DPP6: variants seen among roughly 807,000 people sequenced by gnomAD.
DPP6 encodes the protein A-type potassium channel modulatory protein DPP6.
In DPP6, 69 loss-of-function variants were observed where a neutral mutation model predicts 122.6. That is an observed-to-expected ratio of 0.56 (90% CI 0.46 to 0.69). The LOEUF is 0.69. Among genes scored for constraint, DPP6 ranks in the 30% least tolerant of loss-of-function variants. The pLI, the probability that DPP6 is intolerant of heterozygous loss-of-function variation, is 0.00. For missense variants in DPP6, 928 were observed against 1,116.9 expected, an observed-to-expected ratio of 0.83 and a Z score of 2.41; for synonymous variants, 418 against 433.1, an observed-to-expected ratio of 0.97 and a Z score of 0.43.
intron 7 of DPP6, among the ~76,000 whole-genome samples, chr7:154,672,267 T>C (rs1563087585): frequency 6.6e-6 from 1 of 152,186 alleles, no homozygotes; most frequent in Non-Finnish European, 1.5e-5. Context: ...CAATTAAACC[T>C]CTTTCTTGTA....
At chr7:154,750,927 G>A (rs1843349622) in intron 8 of DPP6, among the ~76,000 whole-genome samples, 1 of 152,186 alleles carries the variant, frequency 6.6e-6, no homozygotes, top group African/African-American at 2.4e-5. Context: ...ATGGGGCTCT[G>A]GGTGGTGACA....
At chr7:153,908,029 G>GTT (rs34826354) in intron 1 of DPP6, among the ~76,000 whole-genome samples, 22,486 of 113,564 alleles carry the variant, frequency 0.2, 2,414 homozygotes, top group Non-Finnish European at 0.26. Flanking sequence ...GAGGCTGGAA[G>GTT]TTTTTTTTTT....
intron 1 of DPP6, among the ~76,000 whole-genome samples, chr7:154,409,786 G>T (rs1816441161): frequency 6.6e-6 from 1 of 152,182 alleles, no homozygotes; most frequent in South Asian, 2.1e-4. Flanking sequence ...ATGGTACCAG[G>T]TTTTGATCCC....
intron 1 of DPP6, among the ~76,000 whole-genome samples, chr7:154,306,573 G>C (rs910878496): frequency 9.2e-5 from 14 of 152,194 alleles, no homozygotes; most frequent in African/African-American, 3.4e-4. Context: ...GAGCCTCCTT[G>C]AGGACACTGT....
chr7:153,829,993 G>A, the DPP6 span, among the ~76,000 whole-genome samples: 7 of 152,272 alleles, frequency 4.6e-5, no homozygotes, highest in East Asian at 1.9e-4. Context: ...AGATTTCATC[G>A]GAGAAGCTAA....
At chr7:154,857,978 C>T (rs948394544) in intron 17 of DPP6, among the ~76,000 whole-genome samples, 2 of 152,188 alleles carry the variant, frequency 1.3e-5, no homozygotes, top group African/African-American at 4.8e-5. Context: ...AACACTCAGC[C>T]AGCTAGCGGT....
chr7:154,380,268 C>T (rs1348994933), intron 1 of DPP6, among the ~76,000 whole-genome samples: 2 of 152,192 alleles, frequency 1.3e-5, no homozygotes, highest in Admixed American at 6.5e-5. Flanking sequence ...AGAAGGTCCA[C>T]ATTGGGAAAC....
At chr7:154,231,643 G>A (rs867144980) in intron 1 of DPP6, among the ~76,000 whole-genome samples, 62 of 152,280 alleles carry the variant, frequency 4.1e-4, no homozygotes, top group African/African-American at 1.4e-3. Context: ...ATGCAAATCA[G>A]ACAGGCAGGC....
At chr7:153,793,492 G>A in the DPP6 span, among the ~76,000 whole-genome samples, 1 of 148,782 alleles carries the variant, frequency 6.7e-6, no homozygotes, top group Admixed American at 6.8e-5. Flanking sequence ...GGTAACTTGG[G>A]TGCTGTTAAA....
chr7:154,512,421 C>G (rs1389871171), intron 3 of DPP6, among the ~76,000 whole-genome samples: 1 of 152,168 alleles, frequency 6.6e-6, no homozygotes, highest in Non-Finnish European at 1.5e-5. Flanking sequence ...TTCCTTCACA[C>G]TTGGTAGCTT....
intron 1 of DPP6, among the ~76,000 whole-genome samples, chr7:153,965,339 C>T (rs1795642000): frequency 6.6e-6 from 1 of 151,978 alleles, no homozygotes; most frequent in South Asian, 2.1e-4. Flanking sequence ...TTGGTTATTT[C>T]TCCAGCCTCC....
chr7:154,221,883 T>C (rs1368091264), intron 1 of DPP6, among the ~76,000 whole-genome samples: 1 of 152,204 alleles, frequency 6.6e-6, no homozygotes, highest in Non-Finnish European at 1.5e-5. Context: ...TATAACACTT[T>C]TGCATTATAA....
intron 1 of DPP6, among the ~76,000 whole-genome samples, chr7:154,276,595 T>G (rs191758269): frequency 6.6e-6 from 1 of 152,338 alleles, no homozygotes; most frequent in Admixed American, 6.5e-5. Flanking sequence ...ATGGGACCTC[T>G]GCTCAGCTTT....
intron 10 of DPP6, among the ~76,000 whole-genome samples, chr7:154,786,901 C>T (rs1034749804): frequency 9.9e-5 from 15 of 152,284 alleles, no homozygotes; most frequent in African/African-American, 3.1e-4. Context: ...CTCTGAGTCC[C>T]CATGATTCTC....
At chr7:154,086,886 C>T (rs1804465298) in intron 1 of DPP6, among the ~76,000 whole-genome samples, 1 of 152,162 alleles carries the variant, frequency 6.6e-6, no homozygotes, top group African/African-American at 2.4e-5. Flanking sequence ...TAAAGTAGAG[C>T]CTACTTGTAT....
intron 3 of DPP6, among the ~76,000 whole-genome samples, chr7:154,491,338 C>T (rs935707479): frequency 1.3e-5 from 2 of 152,156 alleles, no homozygotes; most frequent in African/African-American, 2.4e-5. Flanking sequence ...GCCCTGTTAG[C>T]GCTCCCCCAG....
Position 153,990,074 on chromosome 7 carries a change from T to A in DPP6, c.51+102340T>A, listed in dbSNP as rs372003567. ...TCCCCCAGCAAGCCCCGCCCCCTGC[T>A]GGCTCTGGCCCTTCTAAGCCCCACC... On this transcript the variant is annotated intron_variant, in intron 1 of 25. Transcript: ENST00000404039. 5.7e-4 allele frequency among the ~76,000 whole-genome samples: 63 copies of A among 109,792 alleles called. 1 individual carries two copies. In the East Asian group the frequency reaches 0.016, roughly 28 times the overall value. 72.0% of individuals were successfully genotyped at this position (109,792 alleles called of 152,430 possible).
intron 3 of DPP6, among the ~76,000 whole-genome samples, chr7:154,482,026 T>C (rs189503009): frequency 6.6e-6 from 1 of 152,346 alleles, no homozygotes; most frequent in East Asian, 1.9e-4. Context: ...GTTTTAAAGA[T>C]AAGGAAACTT....
At chr7:154,091,082 C>T (rs1227755835) in intron 1 of DPP6, among the ~76,000 whole-genome samples, 14 of 150,752 alleles carry the variant, frequency 9.3e-5, no homozygotes, top group African/African-American at 3.2e-4. Flanking sequence ...GACTGCGCCA[C>T]TGCACTCCAG....
Sources: allele counts gnomAD v4.1 joint callset (sites outside exome capture counted in the v4.1 genomes callset), GRCh38; gene constraint gnomAD v4.1.1; transcripts MANE v1.5; gene names NCBI Gene and HGNC (gene_info 2026-07-23, HGNC 2026-07-21).